Variants in GABRG3 observed in about 807,000 individuals in gnomAD.
The protein encoded by GABRG3 is gamma-aminobutyric acid receptor subunit gamma-3.
GABRG3 carries 25 observed loss-of-function variants against 48.8 expected under a neutral mutation model. The observed-to-expected ratio is 0.51, with a 90% CI of 0.37 to 0.72. The LOEUF is 0.72. GABRG3 is among the 30% of genes least tolerant of loss of function. GABRG3 has a pLI of 0.00. For synonymous variants in GABRG3, 227 were observed against 217.6 expected (o/e 1.04, Z -0.38); for missense variants, 394 against 577.9 (o/e 0.68, Z 3.26).
chr15:27,532,546 G>A, intron 9 of GABRG3, 54 bp from the exon 10 acceptor site: 1 of 1,553,464 alleles, frequency 6.4e-7, no homozygotes, highest in Non-Finnish European at 8.8e-7. Flanking sequence ...ATACACCTCA[G>A]GGTGTTTTTA....
At chr15:27,307,841 A>T (rs181522533) in intron 3 of GABRG3, among the ~76,000 whole-genome samples, 5 of 135,678 alleles carry the variant, frequency 3.7e-5, no homozygotes, top group Admixed American at 7.8e-5. Context: ...CATATATAAA[A>T]TAAACATGTT....
At chr15:27,103,307 C>T (rs1039653477) in intron 3 of GABRG3, among the ~76,000 whole-genome samples, 1 of 152,168 alleles carries the variant, frequency 6.6e-6, no homozygotes, top group African/African-American at 2.4e-5. Context: ...AAAAGTTAAA[C>T]CCTTTGCAGT....
chr15:27,419,469 G>A (rs1888044529), intron 5 of GABRG3, among the ~76,000 whole-genome samples: 1 of 152,092 alleles, frequency 6.6e-6, no homozygotes, highest in African/African-American at 2.4e-5. Context: ...TCTGGATGCT[G>A]CCCTTCAATC....
intron 3 of GABRG3, among the ~76,000 whole-genome samples, chr15:27,116,392 G>T (rs1027617755): frequency 6.6e-6 from 1 of 151,906 alleles, no homozygotes; most frequent in African/African-American, 2.4e-5. Flanking sequence ...TATATGTCTT[G>T]TGTTTGTTCT....
intron 2 of GABRG3, among the ~76,000 whole-genome samples, chr15:26,989,072 T>C (rs1895201536): frequency 6.6e-6 from 1 of 152,170 alleles, no homozygotes; most frequent in Admixed American, 6.5e-5. Context: ...CACTCCACAT[T>C]ATCCTTGCCA....
chr15:27,489,419 G>A (rs1193843872), intron 6 of GABRG3, among the ~76,000 whole-genome samples: 1 of 152,124 alleles, frequency 6.6e-6, no homozygotes, highest in South Asian at 2.1e-4. Context: ...GGATCAAATG[G>A]TATTTCTGGT....
At chr15:27,441,346 C>T (rs1888778565) in intron 5 of GABRG3, among the ~76,000 whole-genome samples, 1 of 152,088 alleles carries the variant, frequency 6.6e-6, no homozygotes, top group Non-Finnish European at 1.5e-5. Context: ...CCTTGTAAAC[C>T]ACGTGGCAGG....
At chr15:27,463,212 A>C (rs1158774027) in intron 5 of GABRG3, among the ~76,000 whole-genome samples, 1 of 152,212 alleles carries the variant, frequency 6.6e-6, no homozygotes, top group Non-Finnish European at 1.5e-5. Flanking sequence ...TATTAGACAA[A>C]AAAGGAAAGC....
intron 3 of GABRG3, among the ~76,000 whole-genome samples, chr15:27,298,568 G>T (rs191647114): frequency 1.3e-5 from 2 of 152,098 alleles, no homozygotes; most frequent in Admixed American, 1.3e-4. Flanking sequence ...CTAACTGTGG[G>T]GATATTTAAC....
chr15:27,080,386 C>T (rs1896973449), intron 3 of GABRG3, among the ~76,000 whole-genome samples: 1 of 152,138 alleles, frequency 6.6e-6, no homozygotes, highest in Non-Finnish European at 1.5e-5. Context: ...CACTTAAGCC[C>T]AGGAATTCAA....
chr15:27,264,844 A>G (rs1890870173), intron 3 of GABRG3, among the ~76,000 whole-genome samples: 1 of 152,020 alleles, frequency 6.6e-6, no homozygotes, highest in Non-Finnish European at 1.5e-5. Flanking sequence ...CTCTATTACT[A>G]ATTCACTATT....
chr15:27,369,830 A>AAG (rs1895345760), intron 5 of GABRG3, among the ~76,000 whole-genome samples: 6 of 150,408 alleles, frequency 4.0e-5, no homozygotes, highest in Admixed American at 2.6e-4. Context: ...AAAAAAAAAA[A>AAG]AAAATTATGG....
intron 3 of GABRG3, among the ~76,000 whole-genome samples, chr15:27,069,665 T>C (rs751071055): frequency 1.1e-4 from 16 of 152,372 alleles, no homozygotes; most frequent in Admixed American, 2.6e-4. Context: ...TAAACTATGA[T>C]TTAAATTTCC....
intron 5 of GABRG3, among the ~76,000 whole-genome samples, chr15:27,412,802 G>C (rs1036609921): frequency 1.3e-4 from 20 of 152,018 alleles, no homozygotes; most frequent in Middle Eastern, 6.8e-3. Flanking sequence ...TCATTTCTTT[G>C]AAGGAAAAAA....
chr15:27,350,192 A>G, intron 5 of GABRG3: 1 of 455,976 alleles, frequency 2.2e-6, no homozygotes, highest in Non-Finnish European at 4.4e-6. Context: ...TTCAAGCTTG[A>G]TGGTGTCTTA....
chr15:27,381,989 A>G (rs1895791110), intron 5 of GABRG3, among the ~76,000 whole-genome samples: 1 of 152,218 alleles, frequency 6.6e-6, no homozygotes, highest in African/African-American at 2.4e-5. Flanking sequence ...GGAACTTGTT[A>G]TCTTAGAACA....
rs58222645 is a variant in GABRG3 at position 27,518,195 on chromosome 15, C to CAAAAAAAAAAA, written c.713-1766_713-1756dup. On this transcript the variant is annotated intron_variant, in intron 6 of 9. Transcript: ENST00000615808. ...TGAAACCCCAACTCTACTAAAAATA[C>CAAAAAAAAAAA]AAAAAAAAAAAAAAAAAAAAAGAAT... Among the ~76,000 whole-genome samples, 478 of 87,980 alleles carry CAAAAAAAAAAA rather than the reference C, an allele frequency of 5.4e-3. 14 individuals are homozygous for CAAAAAAAAAAA. The highest frequency in any genetic ancestry group is 0.019 in the African/African-American group (449 of 23,424). The allele number at this position is 87,980 out of a possible 152,430, so 57.7% of individuals were successfully genotyped here.
chr15:27,253,526 T>C (rs1213678614), intron 3 of GABRG3, among the ~76,000 whole-genome samples: 1 of 152,226 alleles, frequency 6.6e-6, no homozygotes, highest in Non-Finnish European at 1.5e-5. Flanking sequence ...GGGTTTCCTG[T>C]CCCTGGGAGT....
chr15:27,156,800 G>T (rs2140400451), intron 3 of GABRG3, among the ~76,000 whole-genome samples: 1 of 152,304 alleles, frequency 6.6e-6, no homozygotes, highest in South Asian at 2.1e-4. Context: ...CAGCAATAGG[G>T]CCATGAACAT....
Sources: allele counts gnomAD v4.1 joint callset (sites outside exome capture counted in the v4.1 genomes callset), GRCh38; gene constraint gnomAD v4.1.1; transcripts MANE v1.5; gene names NCBI Gene and HGNC (gene_info 2026-07-23, HGNC 2026-07-21).